Variants in OPN3 observed in about 807,000 individuals in gnomAD.
OPN3 encodes the protein opsin 3.
In OPN3, 29 loss-of-function variants were observed where a neutral mutation model predicts 33.8. The observed-to-expected ratio is 0.86, with a 90% confidence interval of 0.64 to 1.17. The LOEUF is 1.17. Among genes scored for constraint, OPN3 ranks in the 50% most tolerant of loss-of-function variants. The pLI is 0.00. For synonymous variants in OPN3, 216 were observed against 216.1 expected, an observed-to-expected ratio of 1.00 and a Z score of 0.00; for missense variants, 437 against 514.1, an observed-to-expected ratio of 0.85 and a Z score of 1.45.
At chr1:241,611,690 A>C (rs1573956873) in intron 1 of OPN3, among the ~76,000 whole-genome samples, 1 of 152,128 alleles carries the variant, frequency 6.6e-6, no homozygotes, top group African/African-American at 2.4e-5. Flanking sequence ...CTCCTAGAAA[A>C]CCCTTAAATG....
chr1:241,619,974 A>G (rs1664232261), intron 1 of OPN3, among the ~76,000 whole-genome samples: 1 of 152,220 alleles, frequency 6.6e-6, no homozygotes, highest in Non-Finnish European at 1.5e-5. Flanking sequence ...CGCAATATGA[A>G]AGAACAAAGT....
At chr1:241,629,926 C>T (rs1302526828) in intron 1 of OPN3, 2 of 151,722 alleles carry the variant, frequency 1.3e-5, no homozygotes, top group Non-Finnish European at 2.9e-5. Context: ...ATTTTTTCCC[C>T]CTAAATTAAA....
intron 1 of OPN3, among the ~76,000 whole-genome samples, chr1:241,612,506 G>C (rs192386150): frequency 2.6e-5 from 4 of 152,022 alleles, no homozygotes; most frequent in African/African-American, 7.2e-5. Context: ...ATTAATCAAG[G>C]AAAAAAGGAC....
chr1:241,596,445 G>A (rs955523140), intron 3 of OPN3, among the ~76,000 whole-genome samples: 2 of 152,190 alleles, frequency 1.3e-5, no homozygotes, highest in Non-Finnish European at 1.5e-5. Flanking sequence ...CAACAAAACA[G>A]GGAAAGAAAC....
In OPN3 at chr1:241,635,499, G is replaced by C. The variant is rs920323227; in HGVS notation, c.373+4383C>G. 6 of 1,613,676 alleles carry C rather than the reference G, an allele frequency of 3.7e-6. No individual in the cohort carries two copies. In the East Asian group the frequency reaches 1.3e-4, roughly 36 times the overall value. ...TGTTGAATAGTTTCATCCTTCTTGC[G>C]AAGAGTGATGGCTTCTTCTGTTTCA... On this transcript the variant is annotated intron_variant, in intron 1 of 3. Transcript: ENST00000366554.
intron 1 of OPN3, chr1:241,616,076 C>T (rs1462756385): frequency 9.6e-6 from 4 of 416,528 alleles, no homozygotes; most frequent in African/African-American, 8.1e-5. Flanking sequence ...ATCAGGTGGT[C>T]TCTCTGAAGA....
At position 241,640,224 on chromosome 1, in the gene OPN3, C is replaced by G; in HGVS notation, c.31G>C (p.Gly11Arg). Residue 11 changes from glycine (G) to arginine (R), a missense_variant, in exon 1 of 4, where the codon GGC (glycine) becomes CGC (arginine). Transcript: ENST00000366554. MYSGNRSGGH[G>R]YWDGGGAAGA... Reference sequence around the variant, plus strand: ...GCGGCCCCGCCGCCGTCCCAGTAGCCGTGGCCGCCGCTGCGGTTCCCCGAG... The same window carrying G: ...GCGGCCCCGCCGCCGTCCCAGTAGCGGTGGCCGCCGCTGCGGTTCCCCGAG... 1 of 1,329,696 alleles carries G rather than the reference C, an allele frequency of 7.5e-7. No individual in the cohort carries two copies. Among genetic ancestry groups the G allele is most frequent in the South Asian group, 2.0e-5 (1 of 49,436 alleles). The allele number at this position is 1,329,696 out of a possible 1,614,324, so 82.4% of individuals were successfully genotyped here. A position where few individuals can be genotyped will look rare whatever the true frequency, so the allele number is the denominator to read the frequency against.
intron 1 of OPN3, among the ~76,000 whole-genome samples, chr1:241,606,030 C>G (rs1663821077): frequency 6.6e-6 from 1 of 152,038 alleles, no homozygotes; most frequent in Admixed American, 6.6e-5. Context: ...AATGCTCATT[C>G]TGGCAGTAGT....
intron 3 of OPN3, among the ~76,000 whole-genome samples, chr1:241,596,081 G>A (rs998985929): frequency 6.6e-6 from 1 of 152,198 alleles, no homozygotes. Context: ...ACATACTGAA[G>A]GAGAATATTC....
intron 1 of OPN3, chr1:241,632,601 G>A (rs980842852): frequency 6.6e-6 from 1 of 151,828 alleles, no homozygotes; most frequent in Non-Finnish European, 1.5e-5. Context: ...GGTGGCTCTG[G>A]GAGAAAAAAA....
chr1:241,629,466 C>T (rs375415706), intron 1 of OPN3: 60 of 152,154 alleles, frequency 3.9e-4, no homozygotes, highest in East Asian at 1.2e-3. Flanking sequence ...CATTTATACA[C>T]GATCGCTTTA....
At chr1:241,603,293 G>A (rs1040374278) in intron 2 of OPN3, among the ~76,000 whole-genome samples, 129 of 152,264 alleles carry the variant, frequency 8.5e-4, no homozygotes, top group African/African-American at 2.8e-3. Flanking sequence ...TGTTTGGTCC[G>A]ATAAATCAGA....
At chr1:241,611,110 G>A (rs1247205244) in intron 1 of OPN3, among the ~76,000 whole-genome samples, 1 of 152,056 alleles carries the variant, frequency 6.6e-6, no homozygotes, top group Non-Finnish European at 1.5e-5. Context: ...ATACAACTCT[G>A]GAGCTTAAAT....
intron 1 of OPN3, among the ~76,000 whole-genome samples, chr1:241,621,449 G>A (rs1558442901): frequency 6.6e-6 from 1 of 152,168 alleles, no homozygotes; most frequent in Non-Finnish European, 1.5e-5. Flanking sequence ...ACATCTGTGT[G>A]ACAAATGTGA....
intron 1 of OPN3, among the ~76,000 whole-genome samples, chr1:241,637,369 T>C (rs1664938204): frequency 6.6e-6 from 1 of 152,224 alleles, no homozygotes; most frequent in African/African-American, 2.4e-5. Flanking sequence ...CTCAAAAATA[T>C]CAAGGATTCC....
chr1:241,637,150 C>G (rs1462242223), intron 1 of OPN3, among the ~76,000 whole-genome samples: 1 of 152,144 alleles, frequency 6.6e-6, no homozygotes, highest in Non-Finnish European at 1.5e-5. Context: ...CATCATTGCA[C>G]AGTTTTGAGC....
intron 2 of OPN3, among the ~76,000 whole-genome samples, chr1:241,603,817 C>T (rs74600429): frequency 6.6e-5 from 10 of 152,290 alleles, no homozygotes; most frequent in East Asian, 1.9e-4. Flanking sequence ...TGGCACCCAA[C>T]GTGAAATTGT....
chr1:241,615,792 G>T (rs973197209), intron 1 of OPN3: 8 of 452,668 alleles, frequency 1.8e-5, no homozygotes, highest in Admixed American at 7.1e-5. Flanking sequence ...TCCCAGCAGC[G>T]GTGGCTCTAT....
chr1:241,616,033 G>A (rs1664116574), intron 1 of OPN3: 1 of 451,018 alleles, frequency 2.2e-6, no homozygotes, highest in Non-Finnish European at 4.5e-6. Context: ...GCACTCTCCT[G>A]TCATGCCATG....
Sources: gnomAD v4.1 joint callset for allele counts (sites outside exome capture counted in the v4.1 genomes callset) on GRCh38, gnomAD v4.1.1 for gene constraint, MANE v1.5 for transcripts, NCBI Gene and HGNC (gene_info 2026-07-23, HGNC 2026-07-21) for gene names.